TULP4: variants seen among roughly 807,000 people sequenced by gnomAD.
TULP4 encodes the protein tubby-related protein 4.
Under a neutral mutation model 129.0 loss-of-function variants are expected in TULP4, and 16 were observed. The ratio of observed to expected loss-of-function variants is 0.12; its 90% CI spans 0.08 to 0.19. TULP4 has a LOEUF of 0.19. TULP4 is among the 10% of genes least tolerant of loss of function. TULP4 has a pLI of 1.00. For missense variants in TULP4, 1,842 were observed against 2,059.1 expected, an observed-to-expected ratio of 0.89 and a Z score of 2.04; for synonymous variants, 998 against 854.0, an observed-to-expected ratio of 1.17 and a Z score of -2.94.
At chr6:158,287,522 T>A (rs1373695917) in intron 1 of TULP4, among the ~76,000 whole-genome samples, 1 of 152,190 alleles carries the variant, frequency 6.6e-6, no homozygotes, top group Non-Finnish European at 1.5e-5. Context: ...TCCTTACCCT[T>A]AAGTAATTCC....
At position 158,508,964 on chromosome 6, in the gene TULP4, C is replaced by T. The variant is rs931320191; in HGVS notation, c.*2270C>T. ...GTGTAGTGGCACAATCTCGGCTCCC[C>T]ACAACCTCTGACTCCAGGGTTCAGG... On this transcript the variant is annotated 3_prime_UTR_variant, in exon 14 of 14. Coordinates refer to ENST00000367097, the MANE Select transcript of TULP4 (RefSeq NM_020245.5). 17 of 149,128 alleles carry T rather than the reference C, an allele frequency of 1.1e-4. No homozygotes were observed. Among genetic ancestry groups the T allele is most frequent in the African/African-American group, 4.0e-4 (16 of 40,162 alleles). 9.2% of individuals were successfully genotyped at this position (149,128 alleles called of 1,614,324 possible). A position where few individuals can be genotyped will look rare whatever the true frequency, so the allele number is the denominator to read the frequency against.
chr6:158,439,379 A>T (rs1778829414), intron 3 of TULP4, among the ~76,000 whole-genome samples: 1 of 152,078 alleles, frequency 6.6e-6, no homozygotes, highest in South Asian at 2.1e-4. Flanking sequence ...TTCAGCCTCA[A>T]CAACTGCCCT....
At chr6:158,464,652 G>T (rs937476736) in intron 6 of TULP4, among the ~76,000 whole-genome samples, 6 of 152,128 alleles carry the variant, frequency 3.9e-5, no homozygotes, top group African/African-American at 1.4e-4. Flanking sequence ...GCCCTCCTCG[G>T]CCTCCTATAG....
At chr6:158,320,311 A>C (rs1779595283) in intron 1 of TULP4, among the ~76,000 whole-genome samples, 1 of 152,236 alleles carries the variant, frequency 6.6e-6, no homozygotes, top group African/African-American at 2.4e-5. Flanking sequence ...TCCATAATGA[A>C]GATTATTTCA....
At chr6:158,266,784 AT>A (rs1189991650) in intron 1 of TULP4, among the ~76,000 whole-genome samples, 1 of 152,202 alleles carries the variant, frequency 6.6e-6, no homozygotes, top group African/African-American at 2.4e-5. Flanking sequence ...AGACTTGAAC[AT>A]TTAAGGATTT....
intron 1 of TULP4, among the ~76,000 whole-genome samples, chr6:158,321,659 CTTG>C (rs1779636492): frequency 6.6e-6 from 1 of 152,256 alleles, no homozygotes. Context: ...GTCCCCAAGT[CTTG>C]TTATTAGCAA....
At chr6:158,420,469 C>G (rs1270966670) in intron 2 of TULP4, among the ~76,000 whole-genome samples, 3 of 152,132 alleles carry the variant, frequency 2.0e-5, no homozygotes, top group Non-Finnish European at 4.4e-5. Context: ...GATAAGAGAT[C>G]CCTGTCTGTT....
intron 1 of TULP4, among the ~76,000 whole-genome samples, chr6:158,396,391 C>T (rs705937): frequency 0.7 from 106,377 of 152,040 alleles, 37,584 homozygotes; most frequent in Middle Eastern, 0.76. Context: ...GAGCTTAAAC[C>T]GTGCGTGTTT....
chr6:158,342,494 C>A (rs999805423), intron 1 of TULP4, among the ~76,000 whole-genome samples: 2 of 152,168 alleles, frequency 1.3e-5, no homozygotes, highest in Non-Finnish European at 2.9e-5. Context: ...GTTCCACGTG[C>A]CTGATCCATT....
At chr6:158,288,765 G>T (rs1345628109) in intron 1 of TULP4, among the ~76,000 whole-genome samples, 1 of 152,206 alleles carries the variant, frequency 6.6e-6, no homozygotes, top group Non-Finnish European at 1.5e-5. Context: ...CTCCCAAAGT[G>T]CTGGGATTAC....
rs529988212 is a variant in TULP4, at chr6:158,243,418, C to T, written n.68+11115C>T. On this transcript the variant is annotated intron_variant and non_coding_transcript_variant, in intron 1 of 1. Coordinates refer to the TULP4 transcript ENST00000620026. ...GTGTGTATGTATGTGTGTGTATGGG[C>T]GTGTACGTGTGTGTGTGTGTGTTTA... is the stretch of plus-strand genomic sequence containing the variant. Among the ~76,000 whole-genome samples the T allele has an allele frequency of 3.9e-4, 56 of 144,932 alleles. 1 individual carries two copies. In the South Asian group the frequency reaches 8.1e-3, roughly 21 times the overall value.
intron 3 of TULP4, 59 bp from the exon 4 acceptor site, chr6:158,448,937 G>C (rs754542090): frequency 4.6e-6 from 7 of 1,521,384 alleles, no homozygotes; most frequent in East Asian, 2.3e-5. Flanking sequence ...AGGCAACAAG[G>C]TGTGCCAGAA....
chr6:158,297,794 A>G (rs919190705), intron 1 of TULP4, among the ~76,000 whole-genome samples: 24 of 152,158 alleles, frequency 1.6e-4, no homozygotes, highest in African/African-American at 5.6e-4. Flanking sequence ...TGCACGTATT[A>G]TCTTGATAAA....
At chr6:158,257,092 C>G (rs1778259040) in intron 1 of TULP4, among the ~76,000 whole-genome samples, 1 of 152,092 alleles carries the variant, frequency 6.6e-6, no homozygotes, top group African/African-American at 2.4e-5. Flanking sequence ...GCTTAGTAGC[C>G]TGATCTCCAA....
At position 158,508,995 on chromosome 6, in the gene TULP4, A is replaced by G. The variant is rs1355294465; in HGVS notation, c.*2301A>G. 7.5e-6 allele frequency: 1 copy of G among 133,698 alleles called. No individual in the cohort carries two copies. The highest frequency in any genetic ancestry group is 1.5e-5 in the Non-Finnish European group (1 of 65,522). The allele number at this position is 133,698 out of a possible 1,614,324, so 8.3% of individuals were successfully genotyped here. On this transcript the variant is annotated 3_prime_UTR_variant, in exon 14 of 14. Coordinates refer to ENST00000367097, the MANE Select transcript of TULP4 (RefSeq NM_020245.5). ...CTCTGACTCCAGGGTTCAGGTGATTATTTTGCCTCAGCCTCCCAAGCAGCT... is the reference window on the plus strand; with the variant it reads ...CTCTGACTCCAGGGTTCAGGTGATTGTTTTGCCTCAGCCTCCCAAGCAGCT...
At chr6:158,482,938 G>T (rs934894141) in intron 8 of TULP4, among the ~76,000 whole-genome samples, 2 of 152,144 alleles carry the variant, frequency 1.3e-5, no homozygotes, top group African/African-American at 4.8e-5. Context: ...TTATCAGCTC[G>T]TATCAAACAC....
chr6:158,341,535 T>C lies in TULP4; in HGVS notation c.252+27267T>C, dbSNP rs530060713. Reference sequence around the variant, plus strand: ...ATACTAAACGTTCCGTCCAACAATATATGAGGGTTCCCTTTTCTCCACATT... The same window carrying C: ...ATACTAAACGTTCCGTCCAACAATACATGAGGGTTCCCTTTTCTCCACATT... On this transcript the variant is annotated intron_variant, in intron 1 of 13. Transcript: ENST00000367097. 1.9e-4 allele frequency among the ~76,000 whole-genome samples: 29 copies of C among 152,326 alleles called. 1 individual carries two copies. Among genetic ancestry groups the C allele is most frequent in the Non-Finnish European group, 1.6e-4 (11 of 68,020 alleles).
chr6:158,499,592 C>A (rs1780400848), intron 12 of TULP4, among the ~76,000 whole-genome samples: 1 of 152,158 alleles, frequency 6.6e-6, no homozygotes, highest in Non-Finnish European at 1.5e-5. Context: ...AAGTAAAAGG[C>A]CACCTGAGAT....
chr6:158,487,407 T>C (rs1003810372), intron 8 of TULP4, among the ~76,000 whole-genome samples: 1 of 152,254 alleles, frequency 6.6e-6, no homozygotes, highest in East Asian at 1.9e-4. Context: ...GTCACTGCAT[T>C]GCACTCCAGC....
Sources: gnomAD v4.1 joint callset for allele counts (sites outside exome capture counted in the v4.1 genomes callset) on GRCh38, gnomAD v4.1.1 for gene constraint, MANE v1.5 for transcripts, NCBI Gene and HGNC (gene_info 2026-07-23, HGNC 2026-07-21) for gene names.